YIPF6: variants seen among roughly 807,000 people sequenced by gnomAD.
YIPF6 encodes Yip1 domain family member 6.
In YIPF6, 3 loss-of-function variants were observed where a neutral mutation model predicts 16.8. The ratio of observed to expected loss-of-function variants is 0.18; its 90% confidence interval spans 0.08 to 0.46. The LOEUF (loss-of-function observed/expected upper bound fraction) is 0.46, where lower values mean the gene tolerates loss of function less well. Ranked by LOEUF, YIPF6 falls within the 20% of genes least tolerant of loss-of-function variation. The pLI, the probability that YIPF6 is intolerant of heterozygous loss-of-function variation, is 0.98. For synonymous variants in YIPF6, 67 were observed against 61.9 expected, an observed-to-expected ratio of 1.08 and a Z score of -0.38; for missense variants, 145 against 184.9, an observed-to-expected ratio of 0.78 and a Z score of 1.25.
At chrX:68,505,918 C>G (rs1446321058) in intron 1 of YIPF6, among the ~76,000 whole-genome samples, 1 of 111,526 alleles carries the variant, frequency 9.0e-6, no homozygotes, top group Non-Finnish European at 1.9e-5. Flanking sequence ...ATTAGTAAAA[C>G]ACTATTACCT....
intron 1 of YIPF6, among the ~76,000 whole-genome samples, chrX:68,509,888 C>T (rs2079073684): frequency 9.0e-6 from 1 of 111,606 alleles, no homozygotes; most frequent in East Asian, 2.8e-4. Context: ...ACTCCCCTTG[C>T]GTCTATTGCT....
intron 1 of YIPF6, among the ~76,000 whole-genome samples, chrX:68,505,184 C>T (rs956229889): frequency 9.0e-6 from 1 of 111,460 alleles, no homozygotes; most frequent in Admixed American, 9.6e-5. Context: ...CCAAGGCGGG[C>T]GGATCACTTG....
intron 1 of YIPF6, 140 bp downstream of exon 1, chrX:68,499,263 T>A: frequency 1.3e-6 from 1 of 770,507 alleles, no homozygotes; most frequent in Non-Finnish European, 1.8e-6. Context: ...CCAGAACCAG[T>A]CCCAACACTG....
At chrX:68,528,828 G>A (rs2079159663) in intron 6 of YIPF6, among the ~76,000 whole-genome samples, 1 of 111,538 alleles carries the variant, frequency 9.0e-6, no homozygotes, top group Non-Finnish European at 1.9e-5. Context: ...CTTCTTGTAG[G>A]GTTTCTGCCG....
At position 68,511,891 on chromosome X, in the gene YIPF6, G is replaced by T. The variant is rs778689965; in HGVS notation, c.100G>T (p.Val34Leu). The T allele has an allele frequency of 8.3e-7, 1 of 1,209,778 alleles. No homozygotes were observed. Among genetic ancestry groups the T allele is most frequent in the Admixed American group, 2.2e-5 (1 of 45,627 alleles). Residue 34 changes from valine to leucine, a missense_variant, in exon 2 of 7, where the codon GTA becomes TTA. By Grantham distance (32) the Val-to-Leu change is conservative. Transcript: ENST00000462683. ...SDISISQDIP[V>L]EGEITIPMRS... is the part of the protein sequence containing the mutation. ...TATATCCATCTCACAAGACATCCCC[G>T]TAGAAGGAGAAATCACCATTCCTAT...
intron 6 of YIPF6, among the ~76,000 whole-genome samples, chrX:68,526,563 GGA>G (rs754289700): frequency 4.1e-4 from 46 of 111,544 alleles, no homozygotes; most frequent in Non-Finnish European, 5.6e-4. Flanking sequence ...GTTTTCAAGG[GGA>G]ATGCTTCCAG....
chrX:68,505,081 T>C (rs2079054649), intron 1 of YIPF6, among the ~76,000 whole-genome samples: 2 of 111,365 alleles, frequency 1.8e-5, no homozygotes, highest in South Asian at 7.5e-4. Context: ...GAAAGGGCAG[T>C]GTTATAGTAG....
chrX:68,511,628 C>T (rs1447490861), intron 1 of YIPF6, among the ~76,000 whole-genome samples: 1 of 112,106 alleles, frequency 8.9e-6, no homozygotes, highest in Non-Finnish European at 1.9e-5. Context: ...AAGAAGGTGT[C>T]TATGACATTT....
chrX:68,528,706 G>A (rs2079159236), intron 6 of YIPF6, among the ~76,000 whole-genome samples: 1 of 111,397 alleles, frequency 9.0e-6, no homozygotes, highest in Non-Finnish European at 1.9e-5. Flanking sequence ...GAATTTGCTT[G>A]TCTATAAAGG....
In YIPF6 at chrX:68,522,330, C is replaced by T. The variant is rs1053044832; in HGVS notation, c.435-430C>T. 1.1e-3 allele frequency among the ~76,000 whole-genome samples: 118 copies of T among 107,034 alleles called. 1 individual carries two copies. The highest frequency in any genetic ancestry group is 1.8e-3 in the Non-Finnish European group (95 of 52,085). The allele number at this position is 107,034 out of a possible 115,157, so 92.9% of individuals were successfully genotyped here. ...TTTTTTTTTTTTTGAGATGGAGTCT[C>T]GCTCTGTCCAGGCTGGAGTGCAGTG... On this transcript the variant is annotated intron_variant, in intron 5 of 6. Coordinates refer to ENST00000462683, the MANE Select transcript of YIPF6 (RefSeq NM_173834.4).
chrX:68,516,821 G>A (rs751039469), intron 3 of YIPF6, among the ~76,000 whole-genome samples: 1 of 110,530 alleles, frequency 9.0e-6, no homozygotes, highest in South Asian at 3.9e-4. Context: ...TTTTTTGTTT[G>A]TTTTTTTGAG....
At chrX:68,526,675 T>G (rs1197713701) in intron 6 of YIPF6, among the ~76,000 whole-genome samples, 2 of 111,977 alleles carry the variant, frequency 1.8e-5, no homozygotes, top group African/African-American at 6.5e-5. Context: ...TGAGAGTTTT[T>G]AGCATGAAGC....
In YIPF6 at chrX:68,525,058, G is replaced by A. The variant is rs1029499887; in HGVS notation, c.592+2141G>A. On this transcript the variant is annotated intron_variant, in intron 6 of 6. Transcript: ENST00000462683. The stretch of plus-strand genomic sequence containing the variant: ...TCTGGTTCTAGATCCTTGAAGAATC[G>A]CCACACTGTCTTCCACAATGCTTGA... 1.4e-4 allele frequency among the ~76,000 whole-genome samples: 16 copies of A among 111,637 alleles called. 1 individual carries two copies. Among genetic ancestry groups the A allele is most frequent in the African/African-American group, 4.6e-4 (14 of 30,745 alleles).
At chrX:68,516,017 G>A (rs1305491398) in intron 3 of YIPF6, among the ~76,000 whole-genome samples, 5 of 111,224 alleles carry the variant, frequency 4.5e-5, no homozygotes, top group East Asian at 5.7e-4. Context: ...CAGCTACTCC[G>A]GAGGCTGAGG....
intron 5 of YIPF6, 150 bp from the exon 6 acceptor site, chrX:68,522,610 G>A: frequency 7.0e-6 from 4 of 573,921 alleles, no homozygotes; most frequent in Non-Finnish European, 1.0e-5. Flanking sequence ...CCAGCCAAAA[G>A]CATGTACTTA....
At chrX:68,513,199 ACT>A in intron 2 of YIPF6, 126 bp from the exon 3 acceptor site, 1 of 476,098 alleles carries the variant, frequency 2.1e-6, no homozygotes, top group Non-Finnish European at 3.5e-6. Flanking sequence ...AAGGAGTTGA[ACT>A]GGAATTATCT....
At chrX:68,514,384 C>G (rs2079093510) in intron 3 of YIPF6, 2 of 110,358 alleles carry the variant, frequency 1.8e-5, no homozygotes, top group Admixed American at 1.9e-4. Flanking sequence ...TAATGATCTC[C>G]AAGGGAAAGG....
At chrX:68,508,931 C>T (rs1482503919) in intron 1 of YIPF6, among the ~76,000 whole-genome samples, 2 of 111,066 alleles carry the variant, frequency 1.8e-5, no homozygotes, top group African/African-American at 6.5e-5. Flanking sequence ...CACATCTCTG[C>T]TGCTGAGTTG....
Position 68,522,743 on chromosome X carries a change from T to C in YIPF6, c.435-17T>C, listed in dbSNP as rs373715687. Reference sequence around the variant, plus strand: ...CAGTTGTATTTATGATCTTTATTAATGTATTTTGTTTTTAAGATCTTTTTT... The same window carrying C: ...CAGTTGTATTTATGATCTTTATTAACGTATTTTGTTTTTAAGATCTTTTTT... On this transcript the variant is annotated splice_polypyrimidine_tract_variant and intron_variant, in intron 5 of 6. Transcript: ENST00000462683. 4 of 1,184,394 alleles carry C rather than the reference T, an allele frequency of 3.4e-6. No individual in the cohort carries two copies. The African/African-American group carries it at 5.4e-5, about 16-fold the overall frequency.
Sources: allele counts gnomAD v4.1 joint callset (sites outside exome capture counted in the v4.1 genomes callset), GRCh38; gene constraint gnomAD v4.1.1; transcripts MANE v1.5; gene names NCBI Gene and HGNC (gene_info 2026-07-23, HGNC 2026-07-21).